PIK3R5: variants seen among roughly 807,000 people sequenced by gnomAD.
The protein encoded by PIK3R5 is phosphoinositide-3-kinase regulatory subunit 5.
In PIK3R5, 32 loss-of-function variants were observed where a neutral mutation model predicts 94.9. The observed-to-expected ratio is 0.34, with a 90% CI of 0.25 to 0.45. The LOEUF is 0.45. PIK3R5 is among the 20% of genes least tolerant of loss of function. PIK3R5 has a pLI of 1.00. For synonymous variants in PIK3R5, 443 were observed against 479.4 expected (o/e 0.92, Z 0.99); for missense variants, 853 against 1,144.6 (o/e 0.75, Z 3.68).
At chr17:8,954,076 GA>G (rs1362114081) in intron 1 of PIK3R5, among the ~76,000 whole-genome samples, 1 of 151,356 alleles carries the variant, frequency 6.6e-6, no homozygotes, top group Non-Finnish European at 1.5e-5. Context: ...AAGAAAAAAA[GA>G]AAAAAAGAAA....
rs962657328 is a variant in PIK3R5 at position 8,881,524 on chromosome 17, C to T, written c.2382+106G>A. 8 of 868,948 alleles carry T rather than the reference C, an allele frequency of 9.2e-6. No homozygotes were observed. The highest frequency in any genetic ancestry group is 1.7e-5 in the African/African-American group (1 of 60,266). 53.8% of individuals were successfully genotyped at this position (868,948 alleles called of 1,614,324 possible). A position where few individuals can be genotyped will look rare whatever the true frequency, so the allele number is the denominator to read the frequency against. On this transcript the variant is annotated intron_variant, in intron 17 of 18. Transcript: ENST00000447110. The surrounding 1 kb of genome is among the most constrained non-coding windows in gnomAD (Gnocchi z 4.8). ...GTATGTACACACGGGTGTGTATGTG[C>T]ACACATGCACACACATACATGTGCA...
chr17:8,881,707 T>C lies in PIK3R5; in HGVS notation c.2305A>G (p.Ser769Gly). ...AGGTTTAGCGTCAGGGCCTCCATGC[T>C]GGAATCTGAGGGGCAAGGACACTCA... ...ACRKQEELDSSMEALTLNLTE... is the reference protein window; with the variant it reads ...ACRKQEELDSGMEALTLNLTE... Residue 769 changes from serine (S) to glycine (G), a missense_variant, in exon 17 of 19, where the codon AGC (serine) becomes GGC (glycine). Ser to Gly is a moderately conservative substitution (Grantham distance 56, BLOSUM62 0). Coordinates refer to ENST00000447110, the MANE Select transcript of PIK3R5 (RefSeq NM_001142633.3). This position sits in a 1 kb window ranked among gnomAD's most constrained non-coding sequence, Gnocchi z 4.8. 1 of 1,613,974 alleles carries C rather than the reference T, an allele frequency of 6.2e-7. No individual in the cohort carries two copies. The highest frequency in any genetic ancestry group is 8.5e-7 in the Non-Finnish European group (1 of 1,179,938).
At chr17:8,947,984 A>C (rs1237255244) in intron 1 of PIK3R5, among the ~76,000 whole-genome samples, 3 of 145,410 alleles carry the variant, frequency 2.1e-5, no homozygotes, top group African/African-American at 7.6e-5. Context: ...CGGAGCTTGC[A>C]GTGAGCAAAG....
rs778993052 is a variant in PIK3R5 at position 8,896,165 on chromosome 17, G to A, written c.413-2510C>T. Among the ~76,000 whole-genome samples, 5 of 152,198 alleles carry A rather than the reference G, an allele frequency of 3.3e-5. No individual in the cohort carries two copies. The highest frequency in any genetic ancestry group is 3.3e-4 in the Admixed American group (5 of 15,282). ...GAGTCCCCATTTGCTGGTATGTGCT[G>A]TGAGGTTGGAAATATCTCCCAGCAC... On this transcript the variant is annotated intron_variant, in intron 5 of 18. Transcript: ENST00000447110. The surrounding 1 kb of genome is among the most constrained non-coding windows in gnomAD (Gnocchi z 4.0).
At chr17:8,912,708 A>C (rs1203156810) in intron 1 of PIK3R5, among the ~76,000 whole-genome samples, 3 of 152,248 alleles carry the variant, frequency 2.0e-5, no homozygotes, top group Non-Finnish European at 4.4e-5. Context: ...GAGCTGAGCC[A>C]TGCAGATGAC....
chr17:8,922,125 AT>A (rs1170620157), intron 1 of PIK3R5, among the ~76,000 whole-genome samples: 1 of 141,218 alleles, frequency 7.1e-6, no homozygotes, highest in Non-Finnish European at 1.6e-5. Flanking sequence ...AGCCTGGAGA[AT>A]AGGAAAGAAG....
intron 1 of PIK3R5, among the ~76,000 whole-genome samples, chr17:8,946,310 A>C (rs992622163): frequency 6.6e-6 from 1 of 152,058 alleles, no homozygotes; most frequent in Non-Finnish European, 1.5e-5. Context: ...AGAAAAGTCC[A>C]GATGGAAAAG....
In PIK3R5 at chr17:8,884,993, C is replaced by T. The variant is rs1169076442; in HGVS notation, c.2129-210G>A. 1 of 572,478 alleles carries T rather than the reference C, an allele frequency of 1.7e-6. No individual in the cohort carries two copies. Among genetic ancestry groups the T allele is most frequent in the Non-Finnish European group, 3.1e-6 (1 of 317,762 alleles). 35.5% of individuals were successfully genotyped at this position (572,478 alleles called of 1,614,324 possible). On this transcript the variant is annotated intron_variant, in intron 14 of 18. Transcript: ENST00000447110. The surrounding 1 kb of genome is among the most constrained non-coding windows in gnomAD (Gnocchi z 5.8). ...CCTCAGTGACCCCATCACTCCAGGGCCCATCTCCGCTGTGATCACACATTC... is the reference window on the plus strand; with the variant it reads ...CCTCAGTGACCCCATCACTCCAGGGTCCATCTCCGCTGTGATCACACATTC...
In PIK3R5 at chr17:8,905,725, C is replaced by T. The variant is rs2090380772; in HGVS notation, c.217G>A (p.Gly73Ser). The T allele has an allele frequency of 6.2e-7, 1 of 1,603,162 alleles. No homozygotes were observed. The highest frequency in any genetic ancestry group is 1.3e-5 in the African/African-American group (1 of 74,634). Reference protein sequence around the residue: ...LQKTREVQEKGTYDLLTPLAL... With the variant: ...LQKTREVQEKSTYDLLTPLAL... ...AGCGGGGTGAGCAGGTCGTAGGTGC[C>T]CTTCTCCTGGACCTGTGGAGAGGAG... The change falls in exon 4 of 19, where the codon GGC becomes AGC. Residue 73 changes from glycine to serine, a missense_variant. Physicochemically the swap from Gly to Ser is moderately conservative, Grantham distance 56 (BLOSUM62 0). This residue lies in a region of PIK3R5 where 108 missense variants were observed against 170.1 expected (regional missense o/e 0.63). Coordinates refer to ENST00000447110, the MANE Select transcript of PIK3R5 (RefSeq NM_001142633.3).
At position 8,879,069 on chromosome 17, in the gene PIK3R5, G is replaced by A. The variant is rs1041729204; in HGVS notation, c.*1570C>T. 1 of 152,222 alleles carries A rather than the reference G, an allele frequency of 6.6e-6. No individual in the cohort carries two copies. Among genetic ancestry groups the A allele is most frequent in the African/African-American group, 2.4e-5 (1 of 41,450 alleles). 9.4% of individuals were successfully genotyped at this position (152,222 alleles called of 1,614,324 possible). A position where few individuals can be genotyped will look rare whatever the true frequency, so the allele number is the denominator to read the frequency against. ...CACTCTTCTGGAGCTTAGAGCAAGA[G>A]CAGACATTAAGACAGGGGAGAGACG... is the stretch of plus-strand genomic sequence containing the variant. On this transcript the variant is annotated 3_prime_UTR_variant, in exon 19 of 19. Coordinates refer to ENST00000447110, the MANE Select transcript of PIK3R5 (RefSeq NM_001142633.3). The surrounding 1 kb of genome is among the most constrained non-coding windows in gnomAD (Gnocchi z 4.4).
Position 8,925,453 on chromosome 17 carries a change from A to G in PIK3R5, c.-13-13946T>C, listed in dbSNP as rs952119533. On this transcript the variant is annotated intron_variant, in intron 1 of 18. Coordinates refer to ENST00000447110, the MANE Select transcript of PIK3R5 (RefSeq NM_001142633.3). The surrounding 1 kb of genome is among the most constrained non-coding windows in gnomAD (Gnocchi z 5.1). ...ATGGAGAGATAGATAGTAGATGGAT[A>G]GATAGTAGATGGATGATAGATAGAT... 3.1e-5 allele frequency among the ~76,000 whole-genome samples: 4 copies of G among 130,576 alleles called. No individual in the cohort carries two copies. Among genetic ancestry groups the G allele is most frequent in the Non-Finnish European group, 5.5e-5 (3 of 54,838 alleles). The allele number at this position is 130,576 out of a possible 152,430, so 85.7% of individuals were successfully genotyped here.
chr17:8,890,702 G>A lies in PIK3R5; in HGVS notation c.657+36C>T. ...GGAGAGGGTGCTACCTCCTCAGAGA[G>A]GTGCTCCACCAGAGCCCCAGGCCCC... is the stretch of plus-strand genomic sequence containing the variant. On this transcript the variant is annotated intron_variant, in intron 7 of 18. Coordinates refer to ENST00000447110, the MANE Select transcript of PIK3R5 (RefSeq NM_001142633.3). This position sits in a 1 kb window ranked among gnomAD's most constrained non-coding sequence, Gnocchi z 6.1. 1 of 1,567,120 alleles carries A rather than the reference G, an allele frequency of 6.4e-7. No individual in the cohort carries two copies. The highest frequency in any genetic ancestry group is 8.7e-7 in the Non-Finnish European group (1 of 1,152,184).
At position 8,920,136 on chromosome 17, in the gene PIK3R5, G is replaced by A. The variant is rs540333300; in HGVS notation, c.-13-8629C>T. On this transcript the variant is annotated intron_variant, in intron 1 of 18. Transcript: ENST00000447110. ...TGACCTCAAGTGATCCACCTGCCTC[G>A]GCCTCCCAAAGTGCTGGGATTACAG... Among the ~76,000 whole-genome samples, 436 of 151,898 alleles carry A rather than the reference G, an allele frequency of 2.9e-3. 2 individuals are homozygous for A. Among genetic ancestry groups the A allele is most frequent in the African/African-American group, 9.6e-3 (398 of 41,422 alleles).
intron 1 of PIK3R5, among the ~76,000 whole-genome samples, chr17:8,914,423 G>A (rs921390141): frequency 4.6e-5 from 7 of 152,196 alleles, no homozygotes; most frequent in Non-Finnish European, 8.8e-5. Context: ...TAAGAGCCAC[G>A]GAGTATTGTC....
Position 8,887,097 on chromosome 17 carries a change from T to C in PIK3R5, c.1904A>G (p.Gln635Arg). The C allele has an allele frequency of 6.2e-7, 1 of 1,613,950 alleles. No individual in the cohort carries two copies. ...TTCCGCAACCACGGGGCCACTTACC[T>C]GGCACAGGACTTCAGGGGGCAGGTG... ...LMHLPPEVLC[Q>R]QSLKAEAQAL... Residue 635 changes from glutamine (Q) to arginine (R), a missense_variant and splice_region_variant, in exon 12 of 19, where the codon CAG becomes CGG. Around this residue, in one of 6 missense-constraint regions of PIK3R5, gnomAD observed 173 missense variants for 274.1 expected, o/e 0.63. Coordinates refer to ENST00000447110, the MANE Select transcript of PIK3R5 (RefSeq NM_001142633.3).
intron 1 of PIK3R5, among the ~76,000 whole-genome samples, chr17:8,947,615 A>T (rs1439316916): frequency 6.6e-6 from 1 of 152,210 alleles, no homozygotes; most frequent in Non-Finnish European, 1.5e-5. Context: ...AGAGAGTGTC[A>T]CAAGGGAGAA....
chr17:8,895,166 G>A (rs1371186623), intron 5 of PIK3R5, among the ~76,000 whole-genome samples: 1 of 152,136 alleles, frequency 6.6e-6, no homozygotes, highest in Non-Finnish European at 1.5e-5. Context: ...ATCCTCACCC[G>A]CTCTCCAACC....
At position 8,888,836 on chromosome 17, in the gene PIK3R5, C is replaced by T; in HGVS notation, c.951G>A (p.Leu317=). 6.2e-7 allele frequency: 1 copy of T among 1,608,568 alleles called. No homozygotes were observed. The highest frequency in any genetic ancestry group is 8.5e-7 in the Non-Finnish European group (1 of 1,179,952). Residue 317 remains leucine (L), a synonymous_variant, in exon 10 of 19, where the codon CTG becomes CTA. Coordinates refer to ENST00000447110, the MANE Select transcript of PIK3R5 (RefSeq NM_001142633.3). This position sits in a 1 kb window ranked among gnomAD's most constrained non-coding sequence, Gnocchi z 7.8. ...KEQELLQPGI[L]GDDEEEEEEE... Reference sequence around the variant, plus strand: ...CCTCTTCCTCCTCTTCATCATCTCCCAGGATCCCTGGCTGGAGTAGCTCCT... The same window carrying T: ...CCTCTTCCTCCTCTTCATCATCTCCTAGGATCCCTGGCTGGAGTAGCTCCT...
intron 1 of PIK3R5, among the ~76,000 whole-genome samples, chr17:8,929,356 T>C (rs2090947658): frequency 6.6e-6 from 1 of 151,852 alleles, no homozygotes; most frequent in African/African-American, 2.4e-5. Flanking sequence ...AGTAAAAGGG[T>C]GGGAAAATAT....
Sources: allele counts gnomAD v4.1 joint callset (sites outside exome capture counted in the v4.1 genomes callset), GRCh38; gene constraint gnomAD v4.1.1; regional missense constraint gnomAD v4.1.1; non-coding constraint Gnocchi (gnomAD v3.1); transcripts MANE v1.5; gene names NCBI Gene and HGNC (gene_info 2026-07-23, HGNC 2026-07-21).